The following FAM174A variants were observed in gnomAD, a reference collection of about 807,000 sequenced individuals.
FAM174A encodes family with sequence similarity 174 member A, also known as membrane protein FAM174A.
In FAM174A, 14 loss-of-function variants were observed where a neutral mutation model predicts 14.3. The observed-to-expected ratio is 0.98, with a 90% confidence interval of 0.65 to 1.53. The LOEUF is 1.53. FAM174A is among the 40% of genes most tolerant of loss of function. FAM174A has a pLI of 0.00. For missense variants in FAM174A, 241 were observed against 249.6 expected (o/e 0.97, Z 0.23); for synonymous variants, 108 against 111.4 (o/e 0.97, Z 0.19).
intron 1 of FAM174A, among the ~76,000 whole-genome samples, chr5:100,560,868 G>A (rs1746509164): frequency 6.6e-6 from 1 of 152,004 alleles, no homozygotes; most frequent in Non-Finnish European, 1.5e-5. Flanking sequence ...TGCTGTCTGT[G>A]GAGTTGAAGT....
In FAM174A at chr5:100,581,860, A is replaced by C. The variant is rs1308983188; in HGVS notation, c.570-4321A>C. ...AAACAGGTTCAAGGAAATGTTGGGCACAATGTAATATGATTGCTAGATCAT... is the reference window on the plus strand; with the variant it reads ...AAACAGGTTCAAGGAAATGTTGGGCCCAATGTAATATGATTGCTAGATCAT... On this transcript the variant is annotated intron_variant, in intron 2 of 2. Transcript: ENST00000312637. Among the ~76,000 whole-genome samples, 6 of 152,188 alleles carry C rather than the reference A, an allele frequency of 3.9e-5. No individual in the cohort carries two copies. The East Asian group carries it at 1.2e-3, about 29-fold the overall frequency.
chr5:100,559,697 T>C (rs1746482790), intron 1 of FAM174A, among the ~76,000 whole-genome samples: 1 of 152,128 alleles, frequency 6.6e-6, no homozygotes, highest in South Asian at 2.1e-4. Flanking sequence ...TGTCATTCAT[T>C]TGATCTTCCA....
chr5:100,559,464 C>T (rs1026846546), intron 1 of FAM174A, among the ~76,000 whole-genome samples: 7 of 151,958 alleles, frequency 4.6e-5, no homozygotes, highest in Admixed American at 6.6e-5. Flanking sequence ...CTCTGTATTT[C>T]CTGAATTTGA....
intron 2 of FAM174A, among the ~76,000 whole-genome samples, chr5:100,571,477 T>G (rs1246353259): frequency 6.6e-6 from 1 of 151,126 alleles, no homozygotes; most frequent in Non-Finnish European, 1.5e-5. Context: ...AGAAATCAAT[T>G]AAGTGGTGAA....
At chr5:100,541,623 G>C (rs1746055014) in intron 1 of FAM174A, among the ~76,000 whole-genome samples, 1 of 152,012 alleles carries the variant, frequency 6.6e-6, no homozygotes, top group African/African-American at 2.4e-5. Context: ...TGAAGATATG[G>C]GAAAGGAAGA....
At chr5:100,559,071 G>T (rs76995201) in intron 1 of FAM174A, among the ~76,000 whole-genome samples, 1 of 152,114 alleles carries the variant, frequency 6.6e-6, no homozygotes, top group Non-Finnish European at 1.5e-5. Context: ...TGCAGGGGCT[G>T]GTACCAATTG....
At chr5:100,536,168 T>A (rs906485509) in intron 1 of FAM174A, among the ~76,000 whole-genome samples, 1 of 152,236 alleles carries the variant, frequency 6.6e-6, no homozygotes, top group Non-Finnish European at 1.5e-5. Context: ...TGTTTATAAA[T>A]GAGTGCCCTA....
chr5:100,540,689 A>G (rs972726341), intron 1 of FAM174A, among the ~76,000 whole-genome samples: 1 of 152,176 alleles, frequency 6.6e-6, no homozygotes, highest in Non-Finnish European at 1.5e-5. Context: ...TACCAAGATG[A>G]TGACATAACT....
In FAM174A at chr5:100,535,513, G is replaced by C. The variant is rs752795233; in HGVS notation, c.-18G>C. On this transcript the variant is annotated 5_prime_UTR_variant, in exon 1 of 3. Coordinates refer to ENST00000312637, the MANE Select transcript of FAM174A (RefSeq NM_198507.3). Reference sequence around the variant, plus strand: ...GGGCCTGGCGGCTCCCGGGTGGTGAGAGAGCGGTCCGGGAACGATGAAGGC... The same window carrying C: ...GGGCCTGGCGGCTCCCGGGTGGTGACAGAGCGGTCCGGGAACGATGAAGGC... The C allele has an allele frequency of 3.1e-6, 5 of 1,609,786 alleles. No homozygotes were observed. Among genetic ancestry groups the C allele is most frequent in the Non-Finnish European group, 3.4e-6 (4 of 1,178,278 alleles).
At chr5:100,572,728 C>T (rs1278030423) in intron 2 of FAM174A, among the ~76,000 whole-genome samples, 1 of 152,058 alleles carries the variant, frequency 6.6e-6, no homozygotes, top group Non-Finnish European at 1.5e-5. Context: ...GCACGTGTCT[C>T]TATAGCAGCA....
chr5:100,571,672 G>GTGTA lies in FAM174A; in HGVS notation c.569+9485_569+9486insGTAT, dbSNP rs1554047761. Among the ~76,000 whole-genome samples, 901 of 136,640 alleles carry GTGTA rather than the reference G, an allele frequency of 6.6e-3. 12 individuals carry two copies. Among genetic ancestry groups the GTGTA allele is most frequent in the African/African-American group, 0.023 (861 of 37,020 alleles). 89.6% of individuals were successfully genotyped at this position (136,640 alleles called of 152,430 possible). A position where few individuals can be genotyped will look rare whatever the true frequency, so the allele number is the denominator to read the frequency against. Reference sequence around the variant, plus strand: ...AAAGTATATACCTAAGTGTGTGTGTGTATATATATATATATATATACACAC... The same window carrying GTGTA: ...AAAGTATATACCTAAGTGTGTGTGTGTGTATATATATATATATATATATACACAC... On this transcript the variant is annotated intron_variant, in intron 2 of 2. Coordinates refer to ENST00000312637, the MANE Select transcript of FAM174A (RefSeq NM_198507.3).
At chr5:100,557,705 A>T (rs1746423942) in intron 1 of FAM174A, among the ~76,000 whole-genome samples, 1 of 151,648 alleles carries the variant, frequency 6.6e-6, no homozygotes, top group Non-Finnish European at 1.5e-5. Flanking sequence ...TTTCTTCTAG[A>T]TTTTCTAGTT....
chr5:100,557,360 G>A (rs1214117221), intron 1 of FAM174A, among the ~76,000 whole-genome samples: 1 of 151,986 alleles, frequency 6.6e-6, no homozygotes, highest in Non-Finnish European at 1.5e-5. Flanking sequence ...GAGGATTTTT[G>A]CATTGATGTT....
chr5:100,557,322 G>C (rs1746412677), intron 1 of FAM174A, among the ~76,000 whole-genome samples: 1 of 152,074 alleles, frequency 6.6e-6, no homozygotes, highest in African/African-American at 2.4e-5. Flanking sequence ...TTGATGTGCT[G>C]CTGGATTCGG....
At chr5:100,559,327 C>T (rs1746473474) in intron 1 of FAM174A, among the ~76,000 whole-genome samples, 1 of 152,116 alleles carries the variant, frequency 6.6e-6, no homozygotes, top group African/African-American at 2.4e-5. Context: ...TGATGGGCTT[C>T]CCTTTGTGGG....
intron 2 of FAM174A, among the ~76,000 whole-genome samples, chr5:100,575,952 T>G (rs904200829): frequency 2.0e-5 from 3 of 152,204 alleles, no homozygotes; most frequent in Admixed American, 6.5e-5. Flanking sequence ...CTTGTTTAAC[T>G]GTTTTTAAAA....
At chr5:100,579,660 A>G (rs558289947) in intron 2 of FAM174A, among the ~76,000 whole-genome samples, 11 of 152,124 alleles carry the variant, frequency 7.2e-5, no homozygotes, top group Non-Finnish European at 1.6e-4. Flanking sequence ...TCCTGACCTC[A>G]GGTAATCTAC....
chr5:100,561,044 C>T (rs1746512689), intron 1 of FAM174A, among the ~76,000 whole-genome samples: 1 of 151,836 alleles, frequency 6.6e-6, no homozygotes, highest in South Asian at 2.1e-4. Context: ...TTGGTTGCTG[C>T]CCTCAGAGAA....
intron 1 of FAM174A, among the ~76,000 whole-genome samples, chr5:100,543,431 T>G (rs774562898): frequency 3.3e-5 from 5 of 152,224 alleles, no homozygotes; most frequent in East Asian, 1.9e-4. Context: ...AGCCACATTT[T>G]GAGGGCTAAA....
Sources: allele counts gnomAD v4.1 joint callset (sites outside exome capture counted in the v4.1 genomes callset), GRCh38; gene constraint gnomAD v4.1.1; transcripts MANE v1.5; gene names NCBI Gene and HGNC (gene_info 2026-07-23, HGNC 2026-07-21).